Variants in KCND3 observed in about 807,000 individuals in gnomAD.
The protein encoded by KCND3 is potassium voltage-gated channel subfamily D member 3.
In KCND3, 9 loss-of-function variants were observed where a neutral mutation model predicts 51.1. The ratio of observed to expected loss-of-function variants is 0.18; its 90% CI spans 0.11 to 0.31. KCND3 has a LOEUF of 0.31. Among genes scored for constraint, KCND3 ranks in the 10% least tolerant of loss-of-function variants. KCND3 has a pLI of 1.00. For missense variants in KCND3, 526 were observed against 903.8 expected (o/e 0.58, Z 5.36); for synonymous variants, 349 against 368.0 (o/e 0.95, Z 0.59).
intron 2 of KCND3, among the ~76,000 whole-genome samples, chr1:111,852,974 A>G (rs1667892669): frequency 6.6e-6 from 1 of 152,272 alleles, no homozygotes; most frequent in South Asian, 2.1e-4. Context: ...CGGTGATGTG[A>G]TAAGTAGAGC....
chr1:111,845,042 T>A (rs1323164808), intron 2 of KCND3, among the ~76,000 whole-genome samples: 1 of 152,142 alleles, frequency 6.6e-6, no homozygotes, highest in Non-Finnish European at 1.5e-5. Context: ...TCCACGTGCA[T>A]TCTCTCGGCT....
At chr1:111,974,706 T>C (rs1488467629) in intron 2 of KCND3, among the ~76,000 whole-genome samples, 2 of 152,208 alleles carry the variant, frequency 1.3e-5, no homozygotes, top group Non-Finnish European at 2.9e-5. Flanking sequence ...TATACTATCT[T>C]GAGGCAGAAT....
At chr1:111,924,093 A>G (rs559867324) in intron 2 of KCND3, among the ~76,000 whole-genome samples, 3 of 152,318 alleles carry the variant, frequency 2.0e-5, no homozygotes, top group Middle Eastern at 3.4e-3. Context: ...GGCCACAGAG[A>G]GTTGTGCATT....
chr1:111,876,928 G>A (rs751458436), intron 2 of KCND3, among the ~76,000 whole-genome samples: 5 of 152,144 alleles, frequency 3.3e-5, no homozygotes, highest in African/African-American at 1.2e-4. Flanking sequence ...CTTCGGCATC[G>A]TTCTCTCTCC....
intron 2 of KCND3, among the ~76,000 whole-genome samples, chr1:111,952,957 C>T (rs1452341198): frequency 2.6e-5 from 4 of 152,144 alleles, no homozygotes; most frequent in African/African-American, 9.7e-5. Context: ...TTTTATTGAG[C>T]ACTTACTATA....
rs555802434 is a variant in KCND3 at position 111,853,428 on chromosome 1, C to T, written c.1107-66322G>A. ...AGTGATTGGGAACCCAGCTCTAGAA[C>T]CAGAACAATCTGGGGGGAATCTCCT... On this transcript the variant is annotated intron_variant, in intron 2 of 7. Transcript: ENST00000302127. Among the ~76,000 whole-genome samples, 13 of 152,266 alleles carry T rather than the reference C, an allele frequency of 8.5e-5. No individual in the cohort carries two copies. The South Asian group carries it at 2.3e-3, about 27-fold the overall frequency.
intron 2 of KCND3, among the ~76,000 whole-genome samples, chr1:111,812,774 TGGCTATAG>T (rs1309423213): frequency 6.6e-6 from 1 of 152,210 alleles, no homozygotes; most frequent in African/African-American, 2.4e-5. Flanking sequence ...CCACTCATTG[TGGCTATAG>T]GGCACAGGGA....
At chr1:111,796,061 G>A (rs2101530028) in intron 2 of KCND3, among the ~76,000 whole-genome samples, 1 of 152,232 alleles carries the variant, frequency 6.6e-6, no homozygotes, top group Admixed American at 6.5e-5. Context: ...ACTTGTTTAA[G>A]TTCCTTATAG....
chr1:111,794,177 C>T (rs1664960236), intron 2 of KCND3, among the ~76,000 whole-genome samples: 1 of 152,230 alleles, frequency 6.6e-6, no homozygotes, highest in Non-Finnish European at 1.5e-5. Flanking sequence ...GCTTAACCTC[C>T]TAATATGGAA....
chr1:111,909,059 A>C (rs2034124), intron 2 of KCND3, among the ~76,000 whole-genome samples: 1 of 151,228 alleles, frequency 6.6e-6, no homozygotes, highest in Non-Finnish European at 1.5e-5. Flanking sequence ...CAGAAGGCAG[A>C]CTCCTCAATT....
chr1:111,972,035 T>C (rs1674354282), intron 2 of KCND3, among the ~76,000 whole-genome samples: 1 of 152,232 alleles, frequency 6.6e-6, no homozygotes, highest in Non-Finnish European at 1.5e-5. Flanking sequence ...TCCTGATCAA[T>C]ACACACTGGA....
At chr1:111,868,254 C>T (rs1412736225) in intron 2 of KCND3, among the ~76,000 whole-genome samples, 1 of 152,200 alleles carries the variant, frequency 6.6e-6, no homozygotes, top group Admixed American at 6.5e-5. Flanking sequence ...CTCCAACCTG[C>T]CCGGGATGAG....
At chr1:111,854,579 A>G (rs2101673259) in intron 2 of KCND3, among the ~76,000 whole-genome samples, 1 of 152,324 alleles carries the variant, frequency 6.6e-6, no homozygotes, top group South Asian at 2.1e-4. Flanking sequence ...CGGGTGAGAC[A>G]CTGACCCTTG....
At chr1:111,931,582 G>A (rs985143616) in intron 2 of KCND3, among the ~76,000 whole-genome samples, 6 of 152,196 alleles carry the variant, frequency 3.9e-5, no homozygotes, top group Non-Finnish European at 8.8e-5. Context: ...TGAATAAGTT[G>A]CTTAACCTCT....
intron 2 of KCND3, among the ~76,000 whole-genome samples, chr1:111,795,104 A>T (rs552752569): frequency 1.3e-3 from 201 of 152,340 alleles, no homozygotes; most frequent in African/African-American, 4.6e-3. Context: ...AAAACACTTT[A>T]GCCCTATGTT....
intron 2 of KCND3, among the ~76,000 whole-genome samples, chr1:111,962,929 C>T (rs7548910): frequency 0.43 from 65,321 of 152,096 alleles, 14,386 homozygotes; most frequent in Middle Eastern, 0.5. Context: ...AGGGCTTGGC[C>T]TGTCGTGCAG....
At chr1:111,819,139 G>A (rs936878817) in intron 2 of KCND3, among the ~76,000 whole-genome samples, 2 of 152,136 alleles carry the variant, frequency 1.3e-5, no homozygotes, top group Non-Finnish European at 1.5e-5. Context: ...GTGACCACAA[G>A]TGTGCACACA....
intron 2 of KCND3, among the ~76,000 whole-genome samples, chr1:111,854,781 C>T (rs759125159): frequency 1.2e-4 from 19 of 152,200 alleles, no homozygotes; most frequent in African/African-American, 3.1e-4. Flanking sequence ...ACTAAGGCCT[C>T]GAGTTACCAA....
intron 2 of KCND3, among the ~76,000 whole-genome samples, chr1:111,880,681 C>G (rs1669258984): frequency 6.6e-6 from 1 of 152,196 alleles, no homozygotes; most frequent in African/African-American, 2.4e-5. Flanking sequence ...ACTTATGGCT[C>G]ATTTAAACCT....
Sources: allele counts gnomAD v4.1 joint callset (sites outside exome capture counted in the v4.1 genomes callset), GRCh38; gene constraint gnomAD v4.1.1; transcripts MANE v1.5; gene names NCBI Gene and HGNC (gene_info 2026-07-23, HGNC 2026-07-21).